Variants in PXT1 observed in about 807,000 individuals in gnomAD.
PXT1 encodes peroxisomal testis-specific protein 1.
Under a neutral mutation model 11.0 loss-of-function variants are expected in PXT1, and 11 were observed. That is an observed-to-expected ratio of 1.00 (90% CI 0.63 to 1.66). The LOEUF (loss-of-function observed/expected upper bound fraction) is 1.66, where lower values mean the gene tolerates loss of function less well. Ranked by LOEUF, PXT1 falls within the 40% of genes most tolerant of loss-of-function variation. PXT1 has a pLI of 0.00. For synonymous variants in PXT1, 43 were observed against 51.4 expected, an observed-to-expected ratio of 0.84 and a Z score of 0.70; for missense variants, 141 against 155.5, an observed-to-expected ratio of 0.91 and a Z score of 0.49.
chr6:36,441,848 C>T (rs569984876), intron 1 of PXT1, among the ~76,000 whole-genome samples: 1 of 149,184 alleles, frequency 6.7e-6, no homozygotes, highest in African/African-American at 2.5e-5. Context: ...TACAAGTATC[C>T]GTTAACCGTG....
At chr6:36,412,912 C>CA (rs781129564) in intron 3 of PXT1, among the ~76,000 whole-genome samples, 1,503 of 130,920 alleles carry the variant, frequency 0.011, 15 homozygotes, top group Middle Eastern at 0.056. Context: ...AAAGTTAAGT[C>CA]AAAAAAAAAA....
intron 3 of PXT1, among the ~76,000 whole-genome samples, chr6:36,422,087 G>A (rs1352996653): frequency 2.0e-5 from 3 of 152,036 alleles, no homozygotes; most frequent in Non-Finnish European, 4.4e-5. Context: ...ATATTAGACT[G>A]TATATTAATA....
At position 36,425,983 on chromosome 6, in the gene PXT1, T is replaced by C. The variant is rs1444562069; in HGVS notation, c.100A>G (p.Ser34Gly). 1.3e-6 allele frequency: 2 copies of C among 1,535,306 alleles called. No homozygotes were observed. The change falls in exon 3 of 5, where the codon AGT (serine) becomes GGT (glycine). Residue 34 changes from serine (S) to glycine (G), a missense_variant. Ser to Gly is a moderately conservative substitution (Grantham distance 56). Transcript: ENST00000454782. ...TGGGTCATGTATGCCTTCTGAAAACTGTATTTTAACCACAGTGATTTGCAA... is the reference window on the plus strand; with the variant it reads ...TGGGTCATGTATGCCTTCTGAAAACCGTATTTTAACCACAGTGATTTGCAA... ...HCCKSLWLKY[S>G]FQKAYMTQLV...
At chr6:36,394,725 T>TA (rs34695848) in intron 4 of PXT1, among the ~76,000 whole-genome samples, 115,424 of 148,442 alleles carry the variant, frequency 0.78, 44,930 homozygotes, top group Non-Finnish European at 0.81. Flanking sequence ...GTCCCGGGTT[T>TA]AAAAAAAAAA....
intron 3 of PXT1, among the ~76,000 whole-genome samples, chr6:36,407,361 T>A (rs540276436): frequency 1.4e-4 from 22 of 152,274 alleles, no homozygotes; most frequent in African/African-American, 4.1e-4. Context: ...GGCAAAAAAA[T>A]TCCTTTAACA....
At chr6:36,430,807 T>C (rs548537839) in intron 2 of PXT1, among the ~76,000 whole-genome samples, 117 of 152,302 alleles carry the variant, frequency 7.7e-4, no homozygotes, top group African/African-American at 2.8e-3. Flanking sequence ...TTTTTTTTAA[T>C]TTTTTGAGAC....
intron 4 of PXT1, 46 bp from the exon 5 acceptor site, chr6:36,391,920 TAA>T (rs549283808): frequency 8.0e-4 from 236 of 294,082 alleles, no homozygotes; most frequent in African/African-American, 1.0e-3. Flanking sequence ...TTTTTTTTTT[TAA>T]AAGTGATAGA....
At position 36,442,622 on chromosome 6, in the gene PXT1, G is replaced by A. The variant is rs1001090062; in HGVS notation, c.-217C>T. 2.6e-5 allele frequency: 4 copies of A among 152,104 alleles called. No individual in the cohort carries two copies. The highest frequency in any genetic ancestry group is 5.9e-5 in the Non-Finnish European group (4 of 68,028). The allele number at this position is 152,104 out of a possible 1,614,324, so 9.4% of individuals were successfully genotyped here. The stretch of plus-strand genomic sequence containing the variant: ...GTATATCCAGGGTAGTGACTTTCGA[G>A]CAAATGCGTTTAAGCAACTCCAGTA... On this transcript the variant is annotated 5_prime_UTR_variant, in exon 1 of 5. Transcript: ENST00000454782.
chr6:36,410,166 A>AG (rs1561928010), intron 3 of PXT1, among the ~76,000 whole-genome samples: 2 of 150,358 alleles, frequency 1.3e-5, no homozygotes, highest in Non-Finnish European at 3.0e-5. Flanking sequence ...AGAGAGAGAG[A>AG]AAGGCCAGGT....
chr6:36,401,440 C>A (rs981813834), intron 3 of PXT1, among the ~76,000 whole-genome samples: 9 of 151,974 alleles, frequency 5.9e-5, no homozygotes, highest in East Asian at 1.9e-4. Context: ...CATAGTAAGA[C>A]CTTGTCTCTA....
intron 3 of PXT1, among the ~76,000 whole-genome samples, chr6:36,423,391 T>C (rs1403641410): frequency 6.6e-6 from 1 of 152,232 alleles, no homozygotes; most frequent in African/African-American, 2.4e-5. Flanking sequence ...CGCCCTAGGC[T>C]TTCTGTGGTG....
intron 3 of PXT1, among the ~76,000 whole-genome samples, chr6:36,409,604 T>A (rs1774336653): frequency 6.6e-6 from 1 of 151,972 alleles, no homozygotes; most frequent in South Asian, 2.1e-4. Context: ...GGTGGGAGGA[T>A]CACTTGAGGC....
At chr6:36,417,958 A>G (rs1197075736) in intron 3 of PXT1, among the ~76,000 whole-genome samples, 24 of 152,036 alleles carry the variant, frequency 1.6e-4, no homozygotes, top group Admixed American at 1.6e-3. Flanking sequence ...GCACTCTGGG[A>G]GGCTGAGGCG....
chr6:36,433,348 T>C (rs1774719075), intron 2 of PXT1, among the ~76,000 whole-genome samples: 1 of 152,024 alleles, frequency 6.6e-6, no homozygotes, highest in Non-Finnish European at 1.5e-5. Context: ...AAAAAATATA[T>C]ACATTGTGAA....
At chr6:36,424,066 G>T (rs747672347) in intron 3 of PXT1, among the ~76,000 whole-genome samples, 2 of 152,180 alleles carry the variant, frequency 1.3e-5, no homozygotes, top group Non-Finnish European at 2.9e-5. Flanking sequence ...AGAACGCCTC[G>T]GAAGACAGCG....
At chr6:36,436,113 C>CAAAAAAAAAAAAAAAAAAGAAAAAA (rs1774759634) in intron 2 of PXT1, among the ~76,000 whole-genome samples, 1 of 60,094 alleles carries the variant, frequency 1.7e-5, no homozygotes, top group African/African-American at 6.2e-5. Flanking sequence ...AAAAGTAAGC[C>CAAAAAAAAAAAAAAAAAAGAAAAAA]AAAAAAAAAA....
intron 4 of PXT1, among the ~76,000 whole-genome samples, chr6:36,398,776 C>T (rs1774176161): frequency 6.6e-6 from 1 of 152,174 alleles, no homozygotes; most frequent in South Asian, 2.1e-4. Context: ...CTAGCTCCTT[C>T]ATTTCCAGGC....
chr6:36,401,636 G>C (rs1449054273), intron 3 of PXT1, among the ~76,000 whole-genome samples: 2 of 147,276 alleles, frequency 1.4e-5, no homozygotes, highest in South Asian at 4.3e-4. Flanking sequence ...AAAAAAAATA[G>C]ATTCACATAT....
intron 1 of PXT1, among the ~76,000 whole-genome samples, chr6:36,441,214 G>A (rs986481233): frequency 1.3e-5 from 2 of 152,046 alleles, no homozygotes; most frequent in African/African-American, 4.8e-5. Flanking sequence ...AATATCAGAA[G>A]GTTTTTTATT....
Sources: allele counts gnomAD v4.1 joint callset (sites outside exome capture counted in the v4.1 genomes callset), GRCh38; gene constraint gnomAD v4.1.1; transcripts MANE v1.5; gene names NCBI Gene and HGNC (gene_info 2026-07-23, HGNC 2026-07-21).